The following AASS variants were observed in gnomAD, a reference collection of about 807,000 sequenced individuals.
AASS encodes aminoadipate-semialdehyde synthase.
A neutral mutation model predicts 105.4 loss-of-function variants in AASS; 86 were observed. The observed-to-expected ratio is 0.82, with a 90% CI of 0.69 to 0.98. AASS has a LOEUF of 0.98. AASS is among the 50% of genes least tolerant of loss of function. AASS has a pLI of 0.00. For missense variants in AASS, 1,048 were observed against 1,143.2 expected, an observed-to-expected ratio of 0.92 and a Z score of 1.20; for synonymous variants, 381 against 394.8, an observed-to-expected ratio of 0.96 and a Z score of 0.41.
intron 11 of AASS, among the ~76,000 whole-genome samples, chr7:122,107,551 T>C (rs1794722198): frequency 1.3e-5 from 2 of 152,122 alleles, no homozygotes; most frequent in South Asian, 4.1e-4. Context: ...TGGTACACCA[T>C]GGAATACTAT....
chr7:122,090,747 T>C (rs1562910768), intron 18 of AASS, among the ~76,000 whole-genome samples: 1 of 152,142 alleles, frequency 6.6e-6, no homozygotes, highest in Non-Finnish European at 1.5e-5. Context: ...CAGACAGACA[T>C]GATTTGGATA....
intron 1 of AASS, among the ~76,000 whole-genome samples, chr7:122,134,015 C>A (rs1051785121): frequency 1.3e-5 from 2 of 152,184 alleles, no homozygotes; most frequent in African/African-American, 2.4e-5. Context: ...TTTAAATACA[C>A]ATTTTATCAA....
In AASS at chr7:122,119,172, G is replaced by A. The variant is rs188233232; in HGVS notation, c.473-542C>T. Among the ~76,000 whole-genome samples, 171 of 152,206 alleles carry A rather than the reference G, an allele frequency of 1.1e-3. 1 individual carries two copies. The highest frequency in any genetic ancestry group is 3.7e-3 in the African/African-American group (152 of 41,534). On this transcript the variant is annotated intron_variant, in intron 4 of 23. Coordinates refer to ENST00000417368, the MANE Select transcript of AASS (RefSeq NM_005763.4). Reference sequence around the variant, plus strand: ...ATGCAGACCTCTTCTTTGTTGAAACGAAGAGTGCCCCTCAGCATCCCAACT... The same window carrying A: ...ATGCAGACCTCTTCTTTGTTGAAACAAAGAGTGCCCCTCAGCATCCCAACT...
chr7:122,077,527 C>T (rs927562060), intron 23 of AASS, among the ~76,000 whole-genome samples: 4 of 152,172 alleles, frequency 2.6e-5, no homozygotes, highest in African/African-American at 9.7e-5. Flanking sequence ...GTCACAACAA[C>T]TCTGAAACAG....
intron 1 of AASS, among the ~76,000 whole-genome samples, chr7:122,137,621 G>T (rs888086063): frequency 2.0e-5 from 3 of 152,022 alleles, no homozygotes; most frequent in African/African-American, 7.2e-5. Context: ...CTTAAAACTT[G>T]GTCTCAGCAT....
At chr7:122,111,732 T>A (rs1281228963) in intron 11 of AASS, among the ~76,000 whole-genome samples, 1 of 151,898 alleles carries the variant, frequency 6.6e-6, no homozygotes, top group Non-Finnish European at 1.5e-5. Flanking sequence ...TGAAACCCCA[T>A]CTCTACTAAA....
At chr7:122,083,265 G>A (rs1056380524) in intron 19 of AASS, among the ~76,000 whole-genome samples, 2 of 152,104 alleles carry the variant, frequency 1.3e-5, no homozygotes, top group African/African-American at 4.8e-5. Context: ...CTTCAAAGAG[G>A]AGAAACAGAA....
chr7:122,118,539 A>T, intron 5 of AASS, 24 bp downstream of exon 5: 1 of 1,614,140 alleles, frequency 6.2e-7, no homozygotes, highest in Non-Finnish European at 8.5e-7. Context: ...TTTCAAAAAA[A>T]TTAGCAAAAT....
At chr7:122,144,051 GCCCCTCCCAGCGACAGC>G (rs545784730) in intron 1 of AASS, 93 bp downstream of exon 1, 1 of 152,240 alleles carries the variant, frequency 6.6e-6, no homozygotes, top group Non-Finnish European at 1.5e-5. Flanking sequence ...AGGCTCGCGG[GCCCCTCCCAGCGACAGC>G]CCGAGCCCGG....
At chr7:122,132,583 C>T (rs1468892899) in intron 2 of AASS, among the ~76,000 whole-genome samples, 1 of 152,184 alleles carries the variant, frequency 6.6e-6, no homozygotes, top group Non-Finnish European at 1.5e-5. Context: ...CAAGTGACCA[C>T]ACATTGCCAA....
intron 5 of AASS, 47 bp from the exon 6 acceptor site, chr7:122,118,500 T>C: frequency 6.2e-7 from 1 of 1,614,060 alleles, no homozygotes; most frequent in Non-Finnish European, 8.5e-7. Context: ...AGCTCAGCAT[T>C]TTTTTTATTA....
In AASS at chr7:122,093,148, A is replaced by G; in HGVS notation, c.1666T>C (p.Tyr556His). Residue 556 changes from tyrosine to histidine, a missense_variant, in exon 16 of 24, where the codon TAT becomes CAT. Transcript: ENST00000417368. ...TTGGCCACAAGAGGGTGCAATACAT[A>G]AGGCAACAAGCTTGAAAACAGGAAG... ...KQDLVISLLP[Y>H]VLHPLVAKAC... The G allele has an allele frequency of 6.2e-7, 1 of 1,613,232 alleles. No homozygotes were observed. Among genetic ancestry groups the G allele is most frequent in the African/African-American group, 1.3e-5 (1 of 75,016 alleles).
intron 10 of AASS, 148 bp downstream of exon 10, chr7:122,113,450 C>T (rs1255188311): frequency 1.9e-6 from 2 of 1,042,482 alleles, no homozygotes; most frequent in East Asian, 5.2e-5. Flanking sequence ...TTCAAATGTG[C>T]ATGTTTTTTT....
intron 15 of AASS, among the ~76,000 whole-genome samples, chr7:122,094,135 C>G (rs1266780684): frequency 6.6e-6 from 1 of 152,122 alleles, no homozygotes; most frequent in Non-Finnish European, 1.5e-5. Flanking sequence ...AAACAACCTA[C>G]TGGGTACTAT....
rs546429389 is a variant in AASS at position 122,127,880 on chromosome 7, T to C, written c.388-1421A>G. On this transcript the variant is annotated intron_variant, in intron 3 of 23. Transcript: ENST00000417368. ...TGTATGTCAGGAGAAGCCGCCCTCCTGAGCTTCAGACTCATATCCAACAGC... is the reference window on the plus strand; with the variant it reads ...TGTATGTCAGGAGAAGCCGCCCTCCCGAGCTTCAGACTCATATCCAACAGC... Among the ~76,000 whole-genome samples, 4 of 152,288 alleles carry C rather than the reference T, an allele frequency of 2.6e-5. No homozygotes were observed. In the South Asian group the frequency reaches 8.3e-4, roughly 32 times the overall value.
chr7:122,129,293 T>C (rs893758844), intron 3 of AASS, 68 bp downstream of exon 3: 6 of 1,061,408 alleles, frequency 5.7e-6, no homozygotes, highest in African/African-American at 4.9e-5. Context: ...TAAAACTCCA[T>C]TTGGGGGTTA....
At chr7:122,142,858 T>C (rs1227161783) in intron 1 of AASS, among the ~76,000 whole-genome samples, 2 of 152,212 alleles carry the variant, frequency 1.3e-5, no homozygotes, top group Non-Finnish European at 2.9e-5. Context: ...CAAGGTCTGT[T>C]AAACGACTAG....
At chr7:122,082,874 T>C (rs1424044628) in intron 19 of AASS, 12 of 1,288,868 alleles carry the variant, frequency 9.3e-6, no homozygotes, top group Non-Finnish European at 1.2e-5. Flanking sequence ...TCCAATCCAT[T>C]ATTCAGCATT....
Position 122,098,245 on chromosome 7 carries a change from T to C in AASS, c.1655+205A>G, listed in dbSNP as rs180818275. 2.8e-4 allele frequency among the ~76,000 whole-genome samples: 42 copies of C among 152,060 alleles called. 1 individual carries two copies. The highest frequency in any genetic ancestry group is 8.2e-4 in the African/African-American group (34 of 41,552). On this transcript the variant is annotated intron_variant, in intron 15 of 23. Transcript: ENST00000417368. ...GGGAATTACTGATACTCTTGTTTCC[T>C]GACATAAATAATCATCACAGAATGT...
Sources: gnomAD v4.1 joint callset for allele counts (sites outside exome capture counted in the v4.1 genomes callset) on GRCh38, gnomAD v4.1.1 for gene constraint, MANE v1.5 for transcripts, NCBI Gene and HGNC (gene_info 2026-07-23, HGNC 2026-07-21) for gene names.